The following NALF1 variants were observed in gnomAD, a reference collection of about 807,000 sequenced individuals.
NALF1 encodes family with sequence similarity 155 member A.
NALF1 carries 3 observed loss-of-function variants against 48.4 expected under a neutral mutation model. The observed-to-expected ratio is 0.06, with a 90% CI of 0.03 to 0.16. NALF1 has a LOEUF of 0.16. NALF1 is among the 10% of genes least tolerant of loss of function. The pLI, the probability that NALF1 is intolerant of heterozygous loss-of-function variation, is 1.00. For missense variants in NALF1, 526 were observed against 571.5 expected (o/e 0.92, Z 0.81); for synonymous variants, 262 against 245.7 (o/e 1.07, Z -0.62).
At chr13:107,555,379 T>C (rs932451071) in intron 1 of NALF1, among the ~76,000 whole-genome samples, 2 of 151,092 alleles carry the variant, frequency 1.3e-5, no homozygotes, top group Non-Finnish European at 2.9e-5. Flanking sequence ...TTCAAGAAAT[T>C]CTCCTGCCTC....
At chr13:107,730,159 C>T (rs988541040) in intron 1 of NALF1, among the ~76,000 whole-genome samples, 6 of 152,186 alleles carry the variant, frequency 3.9e-5, no homozygotes, top group Admixed American at 1.3e-4. Context: ...CTTCTAAATA[C>T]AGAACTACTG....
At chr13:107,406,789 C>G (rs1319515474) in intron 1 of NALF1, among the ~76,000 whole-genome samples, 2 of 151,632 alleles carry the variant, frequency 1.3e-5, no homozygotes, top group Non-Finnish European at 3.0e-5. Flanking sequence ...TACGAAATCA[C>G]AAAAGACCCA....
chr13:107,295,140 C>T (rs547423097), intron 1 of NALF1, among the ~76,000 whole-genome samples: 1 of 152,230 alleles, frequency 6.6e-6, no homozygotes, highest in South Asian at 2.1e-4. Flanking sequence ...CAACCCTTGT[C>T]CCCTTCCCCA....
At position 107,563,311 on chromosome 13, in the gene NALF1, G is replaced by T. The variant is rs116666987; in HGVS notation, c.915+302371C>A. The stretch of plus-strand genomic sequence containing the variant: ...CCTTAAAAACAGGCCAGAGCACATT[G>T]ATCCGTTGTGACAAACAATCACTGC... On this transcript the variant is annotated intron_variant, in intron 1 of 2. Coordinates refer to ENST00000375915, the MANE Select transcript of NALF1 (RefSeq NM_001080396.3). 7.2e-3 allele frequency among the ~76,000 whole-genome samples: 1,098 copies of T among 152,242 alleles called. 8 individuals carry two copies. The highest frequency in any genetic ancestry group is 0.03 in the South Asian group (144 of 4,822).
intron 1 of NALF1, among the ~76,000 whole-genome samples, chr13:107,659,016 G>A (rs1481493412): frequency 2.0e-5 from 3 of 151,616 alleles, no homozygotes; most frequent in Non-Finnish European, 4.4e-5. Context: ...AGTTACCCAT[G>A]TGCACCATTA....
intron 1 of NALF1, among the ~76,000 whole-genome samples, chr13:107,461,847 A>G (rs1281029935): frequency 1.3e-5 from 2 of 152,188 alleles, no homozygotes; most frequent in South Asian, 2.1e-4. Flanking sequence ...CCAGGCAAAA[A>G]GAGCCAACAG....
At chr13:107,436,663 T>C (rs1233649386) in intron 1 of NALF1, among the ~76,000 whole-genome samples, 1 of 152,132 alleles carries the variant, frequency 6.6e-6, no homozygotes, top group Non-Finnish European at 1.5e-5. Context: ...ACCCTACAAT[T>C]AAGAATGAGA....
intron 1 of NALF1, among the ~76,000 whole-genome samples, chr13:107,612,944 C>A (rs1002136830): frequency 1.3e-5 from 2 of 151,646 alleles, no homozygotes; most frequent in African/African-American, 4.8e-5. Flanking sequence ...CTTTGGAGAA[C>A]CCTGAAGAAC....
At chr13:107,197,120 T>C (rs1377376142) in intron 2 of NALF1, among the ~76,000 whole-genome samples, 1 of 152,134 alleles carries the variant, frequency 6.6e-6, no homozygotes, top group Non-Finnish European at 1.5e-5. Flanking sequence ...TCTTGTGCTC[T>C]GGGCAAATGA....
At chr13:107,474,340 G>A (rs1885146325) in intron 1 of NALF1, among the ~76,000 whole-genome samples, 1 of 152,094 alleles carries the variant, frequency 6.6e-6, no homozygotes, top group Non-Finnish European at 1.5e-5. Flanking sequence ...CTATCATCCA[G>A]AAACTGTACT....
chr13:107,866,438 A>G lies in NALF1; in HGVS notation c.159T>C (p.Ser53=). ...ASLLFFTVLL[S]DHLWFCAEAK... ...CCTCGGCGCAGAACCACAAGTGATC[A>G]GAGAGCAGGACTGTGAAAAACAAGA... Residue 53 remains serine (S), a synonymous_variant, in exon 1 of 3, where the codon TCT becomes TCC. Transcript: ENST00000375915. The surrounding 1 kb of genome is among the most constrained non-coding windows in gnomAD (Gnocchi z 4.4). 1 of 1,614,176 alleles carries G rather than the reference A, an allele frequency of 6.2e-7. No individual in the cohort carries two copies. Among genetic ancestry groups the G allele is most frequent in the South Asian group, 1.1e-5 (1 of 91,088 alleles).
At chr13:107,769,453 C>G (rs925334972) in intron 1 of NALF1, among the ~76,000 whole-genome samples, 1 of 143,948 alleles carries the variant, frequency 6.9e-6, no homozygotes, top group Admixed American at 7.1e-5. Flanking sequence ...AAAAACCAAA[C>G]ACCGCATATT....
At chr13:107,319,469 C>T (rs1882212954) in intron 1 of NALF1, among the ~76,000 whole-genome samples, 1 of 151,868 alleles carries the variant, frequency 6.6e-6, no homozygotes, top group Non-Finnish European at 1.5e-5. Context: ...CAGGATGGAA[C>T]AGATAAAGGC....
At chr13:107,529,620 C>T (rs145379541) in intron 1 of NALF1, among the ~76,000 whole-genome samples, 2 of 152,158 alleles carry the variant, frequency 1.3e-5, no homozygotes, top group African/African-American at 4.8e-5. Context: ...CCAGCTCTTC[C>T]AAGATGGCCC....
intron 1 of NALF1, among the ~76,000 whole-genome samples, chr13:107,802,042 G>C (rs1324599680): frequency 2.6e-5 from 4 of 152,124 alleles, no homozygotes; most frequent in Non-Finnish European, 5.9e-5. Context: ...CCTGTTCTAT[G>C]CAAACACCTC....
chr13:107,678,920 G>C (rs896710589), intron 1 of NALF1, among the ~76,000 whole-genome samples: 7 of 152,196 alleles, frequency 4.6e-5, no homozygotes, highest in African/African-American at 1.4e-4. Flanking sequence ...TGAGATTTAA[G>C]TGGAGACACA....
chr13:107,246,024 AG>A (rs1194678869), intron 1 of NALF1, among the ~76,000 whole-genome samples: 1 of 152,128 alleles, frequency 6.6e-6, no homozygotes, highest in African/African-American at 2.4e-5. Flanking sequence ...CTGGCTTCGC[AG>A]GTACCCAAGC....
intron 1 of NALF1, among the ~76,000 whole-genome samples, chr13:107,264,580 G>A (rs1004507430): frequency 2.6e-5 from 4 of 152,170 alleles, no homozygotes; most frequent in African/African-American, 7.2e-5. Context: ...AAGGAACAAA[G>A]TGCCCTTTGC....
chr13:107,201,710 G>T lies in NALF1; in HGVS notation c.1087+8874C>A, dbSNP rs1385617444. ...TATTTTCATTTCCCTTGCAATGTTTGTTCCCGCGTACTTGAAGGTGGACTT... is the reference window on the plus strand; with the variant it reads ...TATTTTCATTTCCCTTGCAATGTTTTTTCCCGCGTACTTGAAGGTGGACTT... On this transcript the variant is annotated intron_variant, in intron 2 of 2. Transcript: ENST00000375915. Among the ~76,000 whole-genome samples the T allele has an allele frequency of 2.0e-5, 3 of 152,290 alleles. No individual in the cohort carries two copies. In the East Asian group the frequency reaches 5.8e-4, roughly 29 times the overall value.
Sources: allele counts gnomAD v4.1 joint callset (sites outside exome capture counted in the v4.1 genomes callset), GRCh38; gene constraint gnomAD v4.1.1; non-coding constraint Gnocchi (gnomAD v3.1); transcripts MANE v1.5; gene names NCBI Gene and HGNC (gene_info 2026-07-23, HGNC 2026-07-21).